The following CRYL1 variants were observed in gnomAD, a reference collection of about 807,000 sequenced individuals.
The protein encoded by CRYL1 is crystallin lambda 1.
Under a neutral mutation model 36.6 loss-of-function variants are expected in CRYL1, and 29 were observed. The ratio of observed to expected loss-of-function variants is 0.79; its 90% CI spans 0.59 to 1.08. CRYL1 has a LOEUF of 1.08. CRYL1 is among the 50% of genes least tolerant of loss of function. The pLI, the probability that CRYL1 is intolerant of heterozygous loss-of-function variation, is 0.00. For synonymous variants in CRYL1, 152 were observed against 151.5 expected, an observed-to-expected ratio of 1.00 and a Z score of -0.02; for missense variants, 411 against 407.9, an observed-to-expected ratio of 1.01 and a Z score of -0.06.
chr13:20,487,772 C>G (rs1261715433), intron 3 of CRYL1, among the ~76,000 whole-genome samples: 1 of 149,226 alleles, frequency 6.7e-6, no homozygotes, highest in Non-Finnish European at 1.5e-5. Flanking sequence ...GAGCGAGACT[C>G]TATCTCAAAA....
chr13:20,406,852 T>C (rs116817231), intron 6 of CRYL1, among the ~76,000 whole-genome samples: 1,597 of 151,638 alleles, frequency 0.011, 36 homozygotes, highest in African/African-American at 0.035. Flanking sequence ...ACGAGACCCC[T>C]CAGCAGCCAG....
At chr13:20,479,336 T>C (rs1478861728) in intron 3 of CRYL1, among the ~76,000 whole-genome samples, 1 of 152,142 alleles carries the variant, frequency 6.6e-6, no homozygotes, top group Non-Finnish European at 1.5e-5. Context: ...ATTTTTACAA[T>C]GCCACTCAGC....
intron 2 of CRYL1, among the ~76,000 whole-genome samples, chr13:20,503,434 C>T (rs1352039665): frequency 6.6e-6 from 1 of 152,192 alleles, no homozygotes; most frequent in Non-Finnish European, 1.5e-5. Flanking sequence ...CGGTGCTGTG[C>T]TGGATGGTGC....
intron 3 of CRYL1, among the ~76,000 whole-genome samples, chr13:20,479,337 G>A (rs2033229208): frequency 6.6e-6 from 1 of 152,094 alleles, no homozygotes. Context: ...TTTTTACAAT[G>A]CCACTCAGCA....
chr13:20,486,281 G>A (rs932529597), intron 3 of CRYL1, among the ~76,000 whole-genome samples: 2 of 152,116 alleles, frequency 1.3e-5, no homozygotes, highest in Non-Finnish European at 2.9e-5. Flanking sequence ...ACTCCTCTAA[G>A]CACTGTGTAT....
chr13:20,489,237 A>G (rs957952208), intron 3 of CRYL1, 133 bp downstream of exon 3: 33 of 1,079,500 alleles, frequency 3.1e-5, no homozygotes, highest in African/African-American at 6.3e-5. Flanking sequence ...CTATCACATA[A>G]AACAAAATCC....
At position 20,404,180 on chromosome 13, in the gene CRYL1, GT is replaced by G; in HGVS notation, c.908del (p.Asp303AlafsTer5). On this transcript the variant is annotated frameshift_variant, in exon 8 of 8. Coordinates refer to ENST00000298248, the MANE Select transcript of CRYL1 (RefSeq NM_015974.3). LOFTEE classifies it high-confidence loss of function. ...EHLAARRQWR[D>X]ECLMRLAKLK... The stretch of plus-strand genomic sequence containing the variant: ...ACTTGGCGAGTCTCATGAGGCACTC[GT>G]CCCTCCACTGCCTCCTGGCAGCTAA... The G allele has an allele frequency of 6.2e-7, 1 of 1,613,984 alleles. No homozygotes were observed. The highest frequency in any genetic ancestry group is 1.3e-5 in the African/African-American group (1 of 74,996).
chr13:20,491,061 C>G (rs960308806), intron 2 of CRYL1, among the ~76,000 whole-genome samples: 1 of 152,106 alleles, frequency 6.6e-6, no homozygotes, highest in Admixed American at 6.5e-5. Context: ...CGTGCCACCA[C>G]GCCTGACCAA....
chr13:20,432,132 T>C lies in CRYL1; in HGVS notation c.603A>G (p.Ala201=), dbSNP rs374101575. The C allele has an allele frequency of 1.4e-5, 22 of 1,614,012 alleles. No homozygotes were observed. The highest frequency in any genetic ancestry group is 1.8e-5 in the Non-Finnish European group (21 of 1,180,028). Residue 201 remains alanine, a synonymous_variant, in exon 5 of 8, where the codon GCA becomes GCG. Transcript: ENST00000298248. ...AGFVLNRLQY[A]IISEAWRLVE... ...CTAGCCGCCAGGCCTCGCTGATGATTGCATATTGCAGGCGGTTCAGAACGA... is the reference window on the plus strand; with the variant it reads ...CTAGCCGCCAGGCCTCGCTGATGATCGCATATTGCAGGCGGTTCAGAACGA...
intron 6 of CRYL1, among the ~76,000 whole-genome samples, chr13:20,406,788 G>T (rs2031388509): frequency 6.6e-6 from 1 of 151,818 alleles, no homozygotes; most frequent in Non-Finnish European, 1.5e-5. Context: ...GAAGAAAATG[G>T]AAAGAGCTGC....
At chr13:20,484,546 C>T (rs2033356997) in intron 3 of CRYL1, among the ~76,000 whole-genome samples, 2 of 152,098 alleles carry the variant, frequency 1.3e-5, no homozygotes, top group African/African-American at 4.8e-5. Flanking sequence ...GTGGCAGATG[C>T]ATGTAATCCC....
chr13:20,469,518 G>T (rs1286685949), intron 3 of CRYL1, among the ~76,000 whole-genome samples: 1 of 152,162 alleles, frequency 6.6e-6, no homozygotes, highest in Non-Finnish European at 1.5e-5. Flanking sequence ...ATAAAGAAAT[G>T]GAGTGGCTCA....
intron 1 of CRYL1, among the ~76,000 whole-genome samples, chr13:20,521,317 G>T (rs2034095250): frequency 6.6e-6 from 1 of 152,078 alleles, no homozygotes; most frequent in Non-Finnish European, 1.5e-5. Context: ...AAGTGAGCAA[G>T]TACAAGGAGA....
intron 3 of CRYL1, among the ~76,000 whole-genome samples, chr13:20,451,975 C>A (rs2032579995): frequency 6.6e-6 from 1 of 152,058 alleles, no homozygotes; most frequent in Non-Finnish European, 1.5e-5. Context: ...AAAATCACAT[C>A]ATTTACAGAA....
intron 3 of CRYL1, among the ~76,000 whole-genome samples, chr13:20,454,374 T>TA (rs564451096): frequency 0.021 from 3,066 of 144,998 alleles, 49 homozygotes; most frequent in Non-Finnish European, 0.027. Context: ...CCAATAGATG[T>TA]AAAAAAAAAA....
At chr13:20,440,627 T>A (rs879754225) in intron 3 of CRYL1, among the ~76,000 whole-genome samples, 4 of 152,240 alleles carry the variant, frequency 2.6e-5, no homozygotes, top group African/African-American at 7.2e-5. Flanking sequence ...CATCAACATT[T>A]ATTTTCCCTA....
chr13:20,417,144 C>T (rs967598189), intron 5 of CRYL1, among the ~76,000 whole-genome samples: 8 of 152,162 alleles, frequency 5.3e-5, no homozygotes, highest in East Asian at 1.9e-4. Context: ...CCAAGGCAAA[C>T]GTTTGAGTTT....
intron 6 of CRYL1, among the ~76,000 whole-genome samples, chr13:20,411,816 G>C (rs1201265545): frequency 6.6e-6 from 1 of 152,076 alleles, no homozygotes; most frequent in Admixed American, 6.5e-5. Flanking sequence ...ACTCCTCTTA[G>C]CTCTTCTTAG....
At chr13:20,441,424 T>A (rs1264571861) in intron 3 of CRYL1, among the ~76,000 whole-genome samples, 3 of 152,284 alleles carry the variant, frequency 2.0e-5, no homozygotes, top group Non-Finnish European at 4.4e-5. Context: ...CTCAGTGCAG[T>A]GTGCCACCAA....
Sources: gnomAD v4.1 joint callset for allele counts (sites outside exome capture counted in the v4.1 genomes callset) on GRCh38, gnomAD v4.1.1 for gene constraint, MANE v1.5 for transcripts, NCBI Gene and HGNC (gene_info 2026-07-23, HGNC 2026-07-21) for gene names.